Variants in TNIP1 observed in about 807,000 individuals in gnomAD.
TNIP1 encodes TNFAIP3-interacting protein 1.
A neutral mutation model predicts 86.6 loss-of-function variants in TNIP1; 22 were observed. The ratio of observed to expected loss-of-function variants is 0.25; its 90% CI spans 0.18 to 0.36. The LOEUF is 0.36. Among genes scored for constraint, TNIP1 ranks in the 10% least tolerant of loss-of-function variants. The probability of loss-of-function intolerance (pLI) is 1.00; values close to 1 mark genes in which losing one functional copy is unlikely to be tolerated. For synonymous variants in TNIP1, 294 were observed against 313.0 expected (o/e 0.94, Z 0.64); for missense variants, 709 against 820.6 (o/e 0.86, Z 1.66).
chr5:151,039,976 C>T (rs145007346), intron 11 of TNIP1, among the ~76,000 whole-genome samples: 1 of 152,358 alleles, frequency 6.6e-6, no homozygotes, highest in African/African-American at 2.4e-5. Flanking sequence ...AGCCCCAGCC[C>T]TGTAATACGA....
chr5:151,032,174 C>T (rs895184908), intron 17 of TNIP1, 113 bp downstream of exon 17: 4 of 876,472 alleles, frequency 4.6e-6, no homozygotes, highest in Middle Eastern at 3.3e-4. Flanking sequence ...AAAGCTGGGC[C>T]TCTCCTCCAC....
intron 12 of TNIP1, among the ~76,000 whole-genome samples, chr5:151,038,329 C>T (rs554798677): frequency 7.7e-4 from 118 of 152,332 alleles, no homozygotes; most frequent in African/African-American, 2.7e-3. Flanking sequence ...AACTTAACTC[C>T]TCCAGGCCCT....
In TNIP1 at chr5:151,056,869, G is replaced by A. The variant is rs749896821; in HGVS notation, c.524C>T (p.Pro175Leu). 32 of 1,605,772 alleles carry A rather than the reference G, an allele frequency of 2.0e-5. No homozygotes were observed. Among genetic ancestry groups the A allele is most frequent in the Admixed American group, 5.1e-5 (3 of 58,852 alleles). Residue 175 changes from proline to leucine, a missense_variant, in exon 6 of 18, where the codon CCG (proline) becomes CTG (leucine). By Grantham distance (98) the Pro-to-Leu change is moderately conservative (BLOSUM62 -3). Transcript: ENST00000521591. ...ETTLSVCAEE[P>L]DHGQLFTHLG... The stretch of plus-strand genomic sequence containing the variant: ...GTGGGTGAAGAGCTGGCCGTGGTCC[G>A]GCTCCTCGGCACACACACTCAGCGT...
chr5:151,083,234 T>C (rs189405763), upstream of TNIP1, among the ~76,000 whole-genome samples: 2 of 152,334 alleles, frequency 1.3e-5, no homozygotes, highest in Non-Finnish European at 2.9e-5. Flanking sequence ...TGGGGGATAA[T>C]ATACCTATTC....
intron 1 of TNIP1, among the ~76,000 whole-genome samples, chr5:151,071,223 C>T (rs528985486): frequency 3.9e-5 from 6 of 152,244 alleles, no homozygotes; most frequent in Admixed American, 1.3e-4. Context: ...ATTCAAGGAC[C>T]GCACCCTGGC....
At chr5:151,052,044 A>T in intron 7 of TNIP1, 121 bp downstream of exon 7, 1 of 786,894 alleles carries the variant, frequency 1.3e-6, no homozygotes, top group Middle Eastern at 2.6e-4. Flanking sequence ...TAACCTCCAA[A>T]TAGGGCTCTG....
intron 1 of TNIP1, among the ~76,000 whole-genome samples, chr5:151,076,584 C>T (rs1480574228): frequency 6.6e-6 from 1 of 152,242 alleles, no homozygotes; most frequent in African/African-American, 2.4e-5. Context: ...AGCAGTGGCA[C>T]AGAAGAAATG....
At chr5:151,035,169 T>G in intron 14 of TNIP1, 102 bp from the exon 15 acceptor site, 1 of 1,334,718 alleles carries the variant, frequency 7.5e-7, no homozygotes, top group Non-Finnish European at 1.0e-6. Flanking sequence ...CGGCTGATGC[T>G]TCCCTCTGGG....
intron 11 of TNIP1, 50 bp downstream of exon 11, chr5:151,042,490 C>G: frequency 6.3e-7 from 1 of 1,592,386 alleles, no homozygotes; most frequent in Admixed American, 1.7e-5. Context: ...CAGAACTCTC[C>G]GCTAATGTGG....
At chr5:151,038,028 GC>G in intron 12 of TNIP1, among the ~76,000 whole-genome samples, 1 of 152,308 alleles carries the variant, frequency 6.6e-6, no homozygotes. Flanking sequence ...CCCTGGCTCT[GC>G]CAAGAAAACC....
intron 17 of TNIP1, among the ~76,000 whole-genome samples, chr5:151,031,891 G>A (rs1313395713): frequency 6.6e-6 from 1 of 152,180 alleles, no homozygotes; most frequent in Non-Finnish European, 1.5e-5. Flanking sequence ...CCCCGGTCTA[G>A]GTCGGCTTCC....
intron 4 of TNIP1, among the ~76,000 whole-genome samples, chr5:151,061,232 G>C (rs148200032): frequency 6.6e-6 from 1 of 152,222 alleles, no homozygotes; most frequent in African/African-American, 2.4e-5. Context: ...CTTCATCCCA[G>C]AAAGGGGCAG....
chr5:151,046,026 G>C, intron 8 of TNIP1, 76 bp from the exon 9 acceptor site: 3 of 1,436,070 alleles, frequency 2.1e-6, no homozygotes, highest in Non-Finnish European at 2.9e-6. Context: ...GCTCCTCTAA[G>C]ACCCCTCACC....
upstream of TNIP1, chr5:151,087,182 G>T (rs1183361596): frequency 6.5e-6 from 1 of 152,920 alleles, no homozygotes; most frequent in Non-Finnish European, 1.5e-5. Flanking sequence ...AAGGAGGGCT[G>T]GGCTGAGCTG....
chr5:151,062,370 A>G (rs1276177673), intron 3 of TNIP1, among the ~76,000 whole-genome samples, 158 bp from the exon 4 acceptor site: 1 of 152,180 alleles, frequency 6.6e-6, no homozygotes, highest in Non-Finnish European at 1.5e-5. Flanking sequence ...AGGTAGTCTG[A>G]GAAAATGGCC....
At chr5:151,087,431 G>T (rs1764317123), upstream of TNIP1, among the ~76,000 whole-genome samples, 1 of 152,190 alleles carries the variant, frequency 6.6e-6, no homozygotes, top group Non-Finnish European at 1.5e-5. Flanking sequence ...CTGGGAAAAG[G>T]CACCCGAGAA....
chr5:151,053,516 C>T (rs1465058852), intron 6 of TNIP1, among the ~76,000 whole-genome samples: 2 of 152,056 alleles, frequency 1.3e-5, no homozygotes, highest in South Asian at 2.1e-4. Flanking sequence ...TGCTTATGTG[C>T]GGGGACTCAT....
Position 151,080,985 on chromosome 5 carries a change from C to T in TNIP1, c.-142G>A, listed in dbSNP as rs1433294370. The T allele has an allele frequency of 1.3e-5, 2 of 152,170 alleles. No homozygotes were observed. The highest frequency in any genetic ancestry group is 2.9e-5 in the Non-Finnish European group (2 of 68,012). The allele number at this position is 152,170 out of a possible 1,614,324, so 9.4% of individuals were successfully genotyped here. ...CAAGGCTCCGGCCCCCCGTAGCACTCCTAGGGCTCCTGGACGGGGGCAGGG... is the reference window on the plus strand; with the variant it reads ...CAAGGCTCCGGCCCCCCGTAGCACTTCTAGGGCTCCTGGACGGGGGCAGGG... On this transcript the variant is annotated 5_prime_UTR_variant, in exon 1 of 18. Coordinates refer to ENST00000521591, the MANE Select transcript of TNIP1 (RefSeq NM_006058.5).
At chr5:151,075,467 A>C (rs1763281425) in intron 1 of TNIP1, among the ~76,000 whole-genome samples, 1 of 152,134 alleles carries the variant, frequency 6.6e-6, no homozygotes, top group South Asian at 2.1e-4. Context: ...CATAGTTCCC[A>C]ACAGTTTTTC....
Sources: gnomAD v4.1 joint callset for allele counts (sites outside exome capture counted in the v4.1 genomes callset) on GRCh38, gnomAD v4.1.1 for gene constraint, MANE v1.5 for transcripts, NCBI Gene and HGNC (gene_info 2026-07-23, HGNC 2026-07-21) for gene names.